Variants in MMS22L observed in about 807,000 individuals in gnomAD.
MMS22L encodes protein MMS22-like.
A neutral mutation model predicts 159.1 loss-of-function variants in MMS22L; 74 were observed. That is an observed-to-expected ratio of 0.47 (90% CI 0.39 to 0.56). The LOEUF is 0.56. Ranked by LOEUF, MMS22L falls within the 20% of genes least tolerant of loss-of-function variation. The pLI is 0.00. For missense variants in MMS22L, 1,351 were observed against 1,422.1 expected, an observed-to-expected ratio of 0.95 and a Z score of 0.80; for synonymous variants, 517 against 506.9, an observed-to-expected ratio of 1.02 and a Z score of -0.27.
intron 15 of MMS22L, among the ~76,000 whole-genome samples, chr6:97,185,359 A>G (rs547548553): frequency 6.6e-6 from 1 of 152,114 alleles, no homozygotes; most frequent in Non-Finnish European, 1.5e-5. Flanking sequence ...ATTCTCTCCT[A>G]AACTATCAAG....
chr6:97,150,337 C>A (rs1166348376), intron 23 of MMS22L, among the ~76,000 whole-genome samples: 1 of 151,960 alleles, frequency 6.6e-6, no homozygotes, highest in African/African-American at 2.4e-5. Context: ...CATATTGAAT[C>A]TGAGTGGAAA....
At chr6:97,279,757 G>C (rs1211315056) in intron 3 of MMS22L, among the ~76,000 whole-genome samples, 1 of 150,418 alleles carries the variant, frequency 6.6e-6, no homozygotes, top group African/African-American at 2.5e-5. Context: ...CTGCACTCCA[G>C]CCAGGGTGAC....
intron 18 of MMS22L, among the ~76,000 whole-genome samples, chr6:97,174,810 T>C (rs1356295800): frequency 2.0e-5 from 3 of 152,210 alleles, no homozygotes; most frequent in Non-Finnish European, 4.4e-5. Context: ...GAAAGCTTAA[T>C]AGAAGTCATC....
At chr6:97,213,444 T>C (rs1357379377) in intron 14 of MMS22L, among the ~76,000 whole-genome samples, 1 of 152,096 alleles carries the variant, frequency 6.6e-6, no homozygotes, top group Non-Finnish European at 1.5e-5. Context: ...TTCCATAGTA[T>C]AATCCCACTT....
intron 14 of MMS22L, among the ~76,000 whole-genome samples, chr6:97,206,505 A>G (rs2127922265): frequency 6.6e-6 from 1 of 152,290 alleles, no homozygotes; most frequent in East Asian, 1.9e-4. Context: ...ATAATGAACT[A>G]TATAATAAAA....
chr6:97,179,282 G>T, intron 17 of MMS22L, 126 bp downstream of exon 17: 1 of 749,866 alleles, frequency 1.3e-6, no homozygotes, highest in Non-Finnish European at 2.0e-6. Context: ...ATTAAGTTCT[G>T]CTTGTATTCA....
intron 7 of MMS22L, among the ~76,000 whole-genome samples, chr6:97,268,943 A>T (rs774798902): frequency 4.6e-5 from 7 of 152,124 alleles, no homozygotes; most frequent in Non-Finnish European, 8.8e-5. Context: ...ATTAACAGAA[A>T]AGCAGGTGTA....
Position 97,179,399 on chromosome 6 carries a change from C to T in MMS22L, c.2536+9G>A, listed in dbSNP as rs879055696. The stretch of plus-strand genomic sequence containing the variant: ...CCCCATCCTCCCCAAAAAACGTACA[C>T]TTACTTACCAACTGCCTCTTCCAGA... On this transcript the variant is annotated intron_variant, in intron 17 of 24. Coordinates refer to ENST00000683635, the MANE Select transcript of MMS22L (RefSeq NM_001350599.2). 6.2e-7 allele frequency: 1 copy of T among 1,610,842 alleles called. No individual in the cohort carries two copies. The highest frequency in any genetic ancestry group is 2.2e-5 in the East Asian group (1 of 44,744).
intron 9 of MMS22L, among the ~76,000 whole-genome samples, chr6:97,257,440 T>A (rs892055905): frequency 6.6e-6 from 1 of 152,194 alleles, no homozygotes; most frequent in Non-Finnish European, 1.5e-5. Flanking sequence ...CAGGTTTGTC[T>A]GACATTACAC....
intron 23 of MMS22L, 39 bp downstream of exon 23, chr6:97,151,732 G>T: frequency 6.6e-7 from 1 of 1,509,680 alleles, no homozygotes; most frequent in Non-Finnish European, 9.2e-7. Flanking sequence ...CAAATGGCTG[G>T]CAATAGTTTC....
Position 97,179,347 on chromosome 6 carries a change from A to G in MMS22L, c.2536+61T>C, listed in dbSNP as rs996315964. ...CTATTAATTACATAACAAATGATCT[A>G]GACAGCAAATAGCTTTCCATAGATA... On this transcript the variant is annotated intron_variant, in intron 17 of 24. Coordinates refer to ENST00000683635, the MANE Select transcript of MMS22L (RefSeq NM_001350599.2). 2.8e-6 allele frequency: 4 copies of G among 1,431,030 alleles called. No homozygotes were observed. In the Admixed American group the frequency reaches 7.8e-5, roughly 28 times the overall value. 88.6% of individuals were successfully genotyped at this position (1,431,030 alleles called of 1,614,324 possible). A position where few individuals can be genotyped will look rare whatever the true frequency, so the allele number is the denominator to read the frequency against.
intron 24 of MMS22L, among the ~76,000 whole-genome samples, chr6:97,149,468 A>C (rs1335362265): frequency 6.6e-6 from 1 of 152,152 alleles, no homozygotes; most frequent in African/African-American, 2.4e-5. Context: ...TAAATAAATC[A>C]AGCATCCCTC....
Position 97,225,752 on chromosome 6 carries a change from G to T in MMS22L, c.2039+3142C>A, listed in dbSNP as rs1582691294. ...CACGCCCGATTAATTTTTTGTATTT[G>T]TAGTAGAGACGGGGTTTCACCCTGT... On this transcript the variant is annotated intron_variant, in intron 14 of 24. Coordinates refer to ENST00000683635, the MANE Select transcript of MMS22L (RefSeq NM_001350599.2). Among the ~76,000 whole-genome samples, 3 of 151,622 alleles carry T rather than the reference G, an allele frequency of 2.0e-5. 1 individual carries two copies. The South Asian group carries it at 6.2e-4, about 31-fold the overall frequency.
At chr6:97,244,401 G>C (rs566066862) in intron 11 of MMS22L, among the ~76,000 whole-genome samples, 1 of 152,306 alleles carries the variant, frequency 6.6e-6, no homozygotes, top group African/African-American at 2.4e-5. Context: ...GTGTCAACTT[G>C]GTTGGATTGA....
intron 21 of MMS22L, 33 bp downstream of exon 21, chr6:97,165,213 T>C (rs1802838366): frequency 6.3e-7 from 1 of 1,577,540 alleles, no homozygotes. Flanking sequence ...TAATAATTTG[T>C]ACATACCACC....
chr6:97,239,558 T>C (rs1451540044), intron 11 of MMS22L, among the ~76,000 whole-genome samples: 2 of 152,212 alleles, frequency 1.3e-5, no homozygotes, highest in Non-Finnish European at 2.9e-5. Context: ...TCCACCTCTG[T>C]TTCTGGCAGA....
intron 21 of MMS22L, among the ~76,000 whole-genome samples, chr6:97,162,386 A>G (rs1802539768): frequency 6.6e-6 from 1 of 152,052 alleles, no homozygotes; most frequent in African/African-American, 2.4e-5. Context: ...CCAAAGCACA[A>G]TATAGTCACA....
At position 97,159,810 on chromosome 6, in the gene MMS22L, C is replaced by A. The variant is rs190013850; in HGVS notation, c.3385+2192G>T. ...ATGAATTTCATGTTTAGACTTGAGTCCTGCTGCTAAGATACCTCATAATAA... is the reference window on the plus strand; with the variant it reads ...ATGAATTTCATGTTTAGACTTGAGTACTGCTGCTAAGATACCTCATAATAA... On this transcript the variant is annotated intron_variant, in intron 22 of 24. Coordinates refer to ENST00000683635, the MANE Select transcript of MMS22L (RefSeq NM_001350599.2). 2.8e-3 allele frequency among the ~76,000 whole-genome samples: 430 copies of A among 151,906 alleles called. 2 individuals carry two copies. Among genetic ancestry groups the A allele is most frequent in the Non-Finnish European group, 5.0e-3 (338 of 67,924 alleles).
chr6:97,147,982 A>C (rs556830534), intron 24 of MMS22L, among the ~76,000 whole-genome samples: 27 of 152,384 alleles, frequency 1.8e-4, no homozygotes, highest in African/African-American at 6.5e-4. Flanking sequence ...GTATTTGTAC[A>C]GATAAACAGA....
Sources: allele counts gnomAD v4.1 joint callset (sites outside exome capture counted in the v4.1 genomes callset), GRCh38; gene constraint gnomAD v4.1.1; transcripts MANE v1.5; gene names NCBI Gene and HGNC (gene_info 2026-07-23, HGNC 2026-07-21).